Variants in KMT2C observed in about 807,000 individuals in gnomAD.
The protein encoded by KMT2C is lysine methyltransferase 2C, also known as histone-lysine N-methyltransferase 2C.
In KMT2C, 88 loss-of-function variants were observed where a neutral mutation model predicts 507.9. That is an observed-to-expected ratio of 0.17 (90% CI 0.15 to 0.21). KMT2C has a LOEUF of 0.21. Ranked by LOEUF, KMT2C falls within the 10% of genes least tolerant of loss-of-function variation. The pLI, the probability that KMT2C is intolerant of heterozygous loss-of-function variation, is 1.00. For missense variants in KMT2C, 4,954 were observed against 5,957.8 expected, an observed-to-expected ratio of 0.83 and a Z score of 5.55; for synonymous variants, 2,049 against 2,080.8, an observed-to-expected ratio of 0.98 and a Z score of 0.42.
chr7:152,288,022 CA>C (rs66951420), intron 6 of KMT2C, among the ~76,000 whole-genome samples: 2,557 of 31,648 alleles, frequency 0.081, 25 homozygotes, highest in African/African-American at 0.23. Context: ...GAGTCTGCCT[CA>C]AAAAAAAAAA....
intron 2 of KMT2C, among the ~76,000 whole-genome samples, chr7:152,356,124 T>TA (rs1464428699): frequency 6.6e-6 from 1 of 152,058 alleles, no homozygotes; most frequent in Non-Finnish European, 1.5e-5. Context: ...AGCAAGAAAA[T>TA]AGATTTGATG....
At chr7:152,299,200 C>T (rs1443327135) in intron 6 of KMT2C, among the ~76,000 whole-genome samples, 1 of 151,916 alleles carries the variant, frequency 6.6e-6, no homozygotes. Context: ...CGTCTGTAAT[C>T]CCAGCTACTC....
rs2089817354 is a variant in KMT2C at position 152,135,640 on chromosome 7, C to T, written c.*1192G>A. ...GGCTGAAACAAAGTTCTAATCAAAA[C>T]TACTTTTGCTGAAGAAAAAATTCAG... On this transcript the variant is annotated 3_prime_UTR_variant, in exon 59 of 59. Transcript: ENST00000262189. 4.4e-6 allele frequency: 1 copy of T among 225,916 alleles called. No homozygotes were observed. Among genetic ancestry groups the T allele is most frequent in the Non-Finnish European group, 8.8e-6 (1 of 113,526 alleles). 14.0% of individuals were successfully genotyped at this position (225,916 alleles called of 1,614,324 possible).
chr7:152,380,965 T>C (rs1472116875), intron 1 of KMT2C, among the ~76,000 whole-genome samples: 3 of 152,220 alleles, frequency 2.0e-5, no homozygotes, highest in African/African-American at 7.2e-5. Flanking sequence ...GCAGAGAGAC[T>C]CCAAAAGTTT....
chr7:152,184,513 A>T (rs1038935892), intron 34 of KMT2C, among the ~76,000 whole-genome samples: 1 of 152,220 alleles, frequency 6.6e-6, no homozygotes, highest in Non-Finnish European at 1.5e-5. Flanking sequence ...ATGTGTCAAA[A>T]ACTCTTTAAA....
At chr7:152,182,848 A>C (rs2093478884) in intron 35 of KMT2C, 126 bp downstream of exon 35, 1 of 713,146 alleles carries the variant, frequency 1.4e-6, no homozygotes, top group Non-Finnish European at 2.2e-6. Context: ...CTGAAAAGAG[A>C]AACAAGTCTA....
chr7:152,391,752 G>A (rs2097500833), intron 1 of KMT2C, among the ~76,000 whole-genome samples: 1 of 151,914 alleles, frequency 6.6e-6, no homozygotes, highest in African/African-American at 2.4e-5. Context: ...CACCAGGCTG[G>A]TCTCGGCCTC....
In KMT2C at chr7:152,311,954, T is replaced by G. The variant is rs568176756; in HGVS notation, c.591-8A>C. ...TGCTGAGGAGATCGTTCTCTGAAAA[T>G]AAAATAAAATAACTGTGAAAGTGAA... On this transcript the variant is annotated splice_polypyrimidine_tract_variant and splice_region_variant and intron_variant, in intron 4 of 58. Transcript: ENST00000262189. 4 of 1,528,826 alleles carry G rather than the reference T, an allele frequency of 2.6e-6. No individual in the cohort carries two copies. The South Asian group carries it at 5.1e-5, about 19-fold the overall frequency. 94.7% of individuals were successfully genotyped at this position (1,528,826 alleles called of 1,614,324 possible).
Position 152,162,959 on chromosome 7 carries a change from A to G in KMT2C, c.10618T>C (p.Ser3540Pro), listed in dbSNP as rs771732785. The G allele has an allele frequency of 1.5e-5, 25 of 1,614,094 alleles. No homozygotes were observed. The South Asian group carries it at 1.6e-4, about 11-fold the overall frequency. ...SSVKQGHGNL[S>P]GTSFQQSPVR... ...GGGGACTGCTGGAAGCTGGTCCCAG[A>G]AAGATTTCCATGTCCCTGCTTCACA... Residue 3540 changes from serine to proline, a missense_variant, in exon 43 of 59, where the codon TCT becomes CCT. Coordinates refer to ENST00000262189, the MANE Select transcript of KMT2C (RefSeq NM_170606.3).
intron 52 of KMT2C, among the ~76,000 whole-genome samples, chr7:152,147,797 G>T (rs534656471): frequency 6.6e-6 from 1 of 151,576 alleles, no homozygotes; most frequent in African/African-American, 2.4e-5. Flanking sequence ...AATCATTCTC[G>T]GATTTACCTC....
intron 18 of KMT2C, among the ~76,000 whole-genome samples, chr7:152,229,574 C>T (rs192229946): frequency 2.1e-3 from 325 of 152,232 alleles, no homozygotes; most frequent in African/African-American, 7.5e-3. Flanking sequence ...ACAGAATGGG[C>T]TAATAATTTT....
intron 9 of KMT2C, among the ~76,000 whole-genome samples, chr7:152,259,663 G>A (rs1025153381): frequency 6.6e-6 from 1 of 152,066 alleles, no homozygotes; most frequent in Non-Finnish European, 1.5e-5. Context: ...ACATTCTTGA[G>A]ATAAAAATAG....
At chr7:152,172,570 C>T (rs1268154251) in intron 39 of KMT2C, among the ~76,000 whole-genome samples, 6 of 152,156 alleles carry the variant, frequency 3.9e-5, no homozygotes. Context: ...GTGGCACGTG[C>T]CTGTGATCCG....
Position 152,271,455 on chromosome 7 carries a change from C to T in KMT2C, c.1012+2250G>A, listed in dbSNP as rs192891220. Among the ~76,000 whole-genome samples the T allele has an allele frequency of 2.4e-3, 371 of 152,020 alleles. 2 individuals carry two copies. Among genetic ancestry groups the T allele is most frequent in the African/African-American group, 8.4e-3 (347 of 41,464 alleles). On this transcript the variant is annotated intron_variant, in intron 7 of 58. Coordinates refer to ENST00000262189, the MANE Select transcript of KMT2C (RefSeq NM_170606.3). Reference sequence around the variant, plus strand: ...TTGGGAGGCTGAGACGGGCAGATCACGAGGTCAGGAGTTCGAGACGAATCT... The same window carrying T: ...TTGGGAGGCTGAGACGGGCAGATCATGAGGTCAGGAGTTCGAGACGAATCT...
chr7:152,320,054 T>C (rs1377458405), intron 3 of KMT2C, among the ~76,000 whole-genome samples: 1 of 152,138 alleles, frequency 6.6e-6, no homozygotes, highest in African/African-American at 2.4e-5. Context: ...TTTTCTTTTA[T>C]CTCTGTCTTG....
chr7:152,258,620 G>A (rs2095703422), intron 9 of KMT2C, among the ~76,000 whole-genome samples: 1 of 152,006 alleles, frequency 6.6e-6, no homozygotes, highest in South Asian at 2.1e-4. Flanking sequence ...TGCCTCCCGG[G>A]TTCAAGCAAT....
chr7:152,327,786 G>A (rs1196696050), intron 3 of KMT2C, among the ~76,000 whole-genome samples: 2 of 151,702 alleles, frequency 1.3e-5, no homozygotes, highest in African/African-American at 2.4e-5. Context: ...TTGAAACCCC[G>A]TCTCTACTAA....
chr7:152,433,164 G>C (rs62495307), intron 1 of KMT2C, among the ~76,000 whole-genome samples: 1 of 151,114 alleles, frequency 6.6e-6, no homozygotes, highest in Non-Finnish European at 1.5e-5. Context: ...AAAAAAAAAG[G>C]CATCTTCTCT....
intron 1 of KMT2C, among the ~76,000 whole-genome samples, chr7:152,364,692 G>C (rs1169000213): frequency 1.3e-5 from 2 of 150,568 alleles, no homozygotes; most frequent in Non-Finnish European, 2.9e-5. Flanking sequence ...GACAAAAGAA[G>C]ATCATTATCC....
Sources: allele counts gnomAD v4.1 joint callset (sites outside exome capture counted in the v4.1 genomes callset), GRCh38; gene constraint gnomAD v4.1.1; transcripts MANE v1.5; gene names NCBI Gene and HGNC (gene_info 2026-07-23, HGNC 2026-07-21).